The following PLSCR4 variants were observed in gnomAD, a reference collection of about 807,000 sequenced individuals.
PLSCR4 encodes the protein phospholipid scramblase 4.
Under a neutral mutation model 36.3 loss-of-function variants are expected in PLSCR4, and 25 were observed. The ratio of observed to expected loss-of-function variants is 0.69; its 90% CI spans 0.50 to 0.96. The LOEUF is 0.96. PLSCR4 is among the 40% of genes least tolerant of loss of function. PLSCR4 has a pLI of 0.00. For missense variants in PLSCR4, 408 were observed against 414.7 expected, an observed-to-expected ratio of 0.98 and a Z score of 0.14; for synonymous variants, 122 against 132.9, an observed-to-expected ratio of 0.92 and a Z score of 0.56.
intron 1 of PLSCR4, among the ~76,000 whole-genome samples, chr3:146,238,240 G>T (rs960104003): frequency 1.3e-5 from 2 of 151,010 alleles, no homozygotes; most frequent in African/African-American, 4.9e-5. Context: ...ATTTACTTGT[G>T]CATTCTACCA....
chr3:146,224,443 G>C (rs544872510), intron 1 of PLSCR4, among the ~76,000 whole-genome samples: 1 of 151,956 alleles, frequency 6.6e-6, no homozygotes, highest in African/African-American at 2.4e-5. Context: ...GGACCCTCGC[G>C]GTGAGTGTTA....
chr3:146,235,411 T>C (rs1404739570), intron 1 of PLSCR4, among the ~76,000 whole-genome samples: 2 of 152,158 alleles, frequency 1.3e-5, no homozygotes, highest in Non-Finnish European at 2.9e-5. Flanking sequence ...CCTTCTGCCA[T>C]GACTGTAAGT....
chr3:146,192,738 TAC>T lies in PLSCR4; in HGVS notation c.*1671_*1672del, dbSNP rs1315607764. 6.6e-6 allele frequency: 1 copy of T among 151,934 alleles called. No homozygotes were observed. The highest frequency in any genetic ancestry group is 1.5e-5 in the Non-Finnish European group (1 of 67,970). 9.4% of individuals were successfully genotyped at this position (151,934 alleles called of 1,614,324 possible). ...AAATATCAGACATCATTATAGGAAA[TAC>T]ATAGTCTACTTACGATTGCAATGGC... On this transcript the variant is annotated 3_prime_UTR_variant, in exon 9 of 9. Coordinates refer to ENST00000354952, the MANE Select transcript of PLSCR4 (RefSeq NM_020353.3).
chr3:146,199,818 G>A lies in PLSCR4; in HGVS notation c.619C>T (p.Gln207Ter). 1 of 1,611,430 alleles carries A rather than the reference G, an allele frequency of 6.2e-7. No individual in the cohort carries two copies. Among genetic ancestry groups the A allele is most frequent in the East Asian group, 2.2e-5 (1 of 44,826 alleles). Reference protein sequence around the residue: ...CCCFCCPSARQELEVQCPPGV... With the variant: ...CCCFCCPSAR ...TCAGACTTCCATTCTCTGACCTCTT[G>A]TCTGGCAGAGGGGCAACAGAAGCAA... Residue 207 changes from glutamine (Q) to a stop codon, truncating the protein, a stop_gained, in exon 6 of 9, where the codon CAA (glutamine) becomes TAA (stop). Coordinates refer to ENST00000354952, the MANE Select transcript of PLSCR4 (RefSeq NM_020353.3). LOFTEE classifies it high-confidence loss of function.
intron 5 of PLSCR4, among the ~76,000 whole-genome samples, 163 bp from the exon 6 acceptor site, chr3:146,200,202 A>C (rs2033971270): frequency 6.6e-6 from 1 of 152,050 alleles, no homozygotes; most frequent in Non-Finnish European, 1.5e-5. Context: ...TATTATCTAA[A>C]AGTATTTAAG....
chr3:146,215,817 C>T lies in PLSCR4; in HGVS notation c.118+4998G>A, dbSNP rs188746534. On this transcript the variant is annotated intron_variant, in intron 3 of 8. Coordinates refer to ENST00000354952, the MANE Select transcript of PLSCR4 (RefSeq NM_020353.3). ...GCTCCACAAATGGTGTTATGTCTCC[C>T]TAAGTAAACACAGTTTTGGGAACTG... is the stretch of plus-strand genomic sequence containing the variant. Among the ~76,000 whole-genome samples, 47 of 152,306 alleles carry T rather than the reference C, an allele frequency of 3.1e-4. No homozygotes were observed. The East Asian group carries it at 8.5e-3, about 28-fold the overall frequency.
intron 3 of PLSCR4, among the ~76,000 whole-genome samples, chr3:146,213,141 A>G (rs1415080300): frequency 6.6e-6 from 1 of 152,014 alleles, no homozygotes; most frequent in Non-Finnish European, 1.5e-5. Flanking sequence ...ATTTGTTGAG[A>G]AAGTCCGATT....
intron 1 of PLSCR4, among the ~76,000 whole-genome samples, chr3:146,233,678 T>C (rs1001478802): frequency 1.8e-4 from 28 of 152,168 alleles, no homozygotes; most frequent in Admixed American, 5.2e-4. Flanking sequence ...GGTTTCATTA[T>C]ACAGGCCAGG....
At chr3:146,232,366 A>C (rs1053418139) in intron 1 of PLSCR4, among the ~76,000 whole-genome samples, 6 of 152,108 alleles carry the variant, frequency 3.9e-5, no homozygotes, top group Admixed American at 2.6e-4. Flanking sequence ...TATCTTTCTA[A>C]TTCTGTGAAA....
intron 1 of PLSCR4, among the ~76,000 whole-genome samples, chr3:146,241,701 G>A (rs78383657): frequency 0.017 from 2,560 of 152,170 alleles, 78 homozygotes; most frequent in African/African-American, 0.058. Flanking sequence ...CCACCCAACA[G>A]CATTAGAATA....
chr3:146,242,976 C>T (rs77667818), intron 1 of PLSCR4, among the ~76,000 whole-genome samples: 2,671 of 152,242 alleles, frequency 0.018, 84 homozygotes, highest in African/African-American at 0.059. Context: ...ATTTCTCCAC[C>T]AGAGAAAGCC....
At chr3:146,219,639 G>A (rs528911198) in intron 3 of PLSCR4, among the ~76,000 whole-genome samples, 9 of 152,166 alleles carry the variant, frequency 5.9e-5, no homozygotes, top group Non-Finnish European at 7.4e-5. Context: ...ACCTTTGGCC[G>A]GGCACGGTGG....
chr3:146,237,422 AATACCTGATTTTCAAGTGCATATGAAAC>A (rs1246909536), intron 1 of PLSCR4, among the ~76,000 whole-genome samples: 1 of 152,172 alleles, frequency 6.6e-6, no homozygotes, highest in Admixed American at 6.5e-5. Context: ...ACAATAGCAG[AATACCTGATTTTCAAGTGCATATGAAAC>A]ATTCTCCAAG....
At chr3:146,243,987 G>C (rs2036251735) in intron 1 of PLSCR4, among the ~76,000 whole-genome samples, 1 of 152,134 alleles carries the variant, frequency 6.6e-6, no homozygotes, top group African/African-American at 2.4e-5. Context: ...AGATACTACT[G>C]TGCTGCTTAG....
intron 1 of PLSCR4, 184 bp from the exon 2 acceptor site, chr3:146,222,276 G>A (rs1512889): frequency 0.33 from 108,775 of 324,898 alleles, 18,818 homozygotes; most frequent in Admixed American, 0.37. Flanking sequence ...TACAGATGTT[G>A]AGAGTACAGC....
chr3:146,231,754 T>C (rs976891869), intron 1 of PLSCR4, among the ~76,000 whole-genome samples: 6 of 152,226 alleles, frequency 3.9e-5, no homozygotes, highest in Non-Finnish European at 7.3e-5. Context: ...ATTCTGAATA[T>C]TCGACCTTTG....
At chr3:146,240,773 C>A (rs1658092721) in intron 1 of PLSCR4, among the ~76,000 whole-genome samples, 1 of 152,114 alleles carries the variant, frequency 6.6e-6, no homozygotes, top group South Asian at 2.1e-4. Context: ...CTGGCAGTTC[C>A]TCAAAAGATT....
intron 1 of PLSCR4, among the ~76,000 whole-genome samples, chr3:146,240,717 A>G (rs1159306364): frequency 1.3e-5 from 2 of 151,096 alleles, no homozygotes; most frequent in Non-Finnish European, 3.0e-5. Flanking sequence ...AAACCTTCAT[A>G]TGTCGCTGAG....
At chr3:146,237,487 G>A (rs992328519) in intron 1 of PLSCR4, among the ~76,000 whole-genome samples, 4 of 152,056 alleles carry the variant, frequency 2.6e-5, no homozygotes, top group African/African-American at 9.7e-5. Flanking sequence ...GCTATAACAT[G>A]AGCCTCAATA....
Sources: gnomAD v4.1 joint callset for allele counts (sites outside exome capture counted in the v4.1 genomes callset) on GRCh38, gnomAD v4.1.1 for gene constraint, MANE v1.5 for transcripts, NCBI Gene and HGNC (gene_info 2026-07-23, HGNC 2026-07-21) for gene names.